C10orf88: variants seen among roughly 807,000 people sequenced by gnomAD.
C10orf88 encodes ATPase PAAT.
A neutral mutation model predicts 34.2 loss-of-function variants in C10orf88; 29 were observed. The observed-to-expected ratio is 0.85, with a 90% CI of 0.63 to 1.16. The LOEUF (loss-of-function observed/expected upper bound fraction) is 1.16, where lower values mean the gene tolerates loss of function less well. C10orf88 is among the 50% of genes most tolerant of loss of function. C10orf88 has a pLI of 0.00. For missense variants in C10orf88, 507 were observed against 533.2 expected (o/e 0.95, Z 0.48); for synonymous variants, 194 against 197.4 (o/e 0.98, Z 0.15).
Position 122,931,155 on chromosome 10 carries a change from T to C in C10orf88, c.*1272A>G, listed in dbSNP as rs1356216424. On this transcript the variant is annotated 3_prime_UTR_variant, in exon 6 of 6. Coordinates refer to ENST00000481909, the MANE Select transcript of C10orf88 (RefSeq NM_024942.4). ...CTTCTTCTGGTCACTGTCATGGCGATTGTCAACTGTCATGGAGCTAGCAGG... is the reference window on the plus strand; with the variant it reads ...CTTCTTCTGGTCACTGTCATGGCGACTGTCAACTGTCATGGAGCTAGCAGG... 1.3e-5 allele frequency: 2 copies of C among 152,180 alleles called. No individual in the cohort carries two copies. Among genetic ancestry groups the C allele is most frequent in the East Asian group, 1.9e-4 (1 of 5,194 alleles). The allele number at this position is 152,180 out of a possible 1,614,324, so 9.4% of individuals were successfully genotyped here.
Position 122,953,028 on chromosome 10 carries a change from C to T in C10orf88, c.169G>A (p.Asp57Asn). Residue 57 changes from aspartate (D) to asparagine (N), a missense_variant, in exon 2 of 6, where the codon GAT becomes AAT. Asp to Asn is a conservative substitution (Grantham distance 23, BLOSUM62 1). Transcript: ENST00000481909. ...TGGTTTCTCTTCAAAATCACCAGAT[C>T]CTGACTGAGAAGAAAATTGGTGAAA... ...ELLAPPAPGQ[D>N]LVILKRNHNN... is the part of the protein sequence containing the mutation. The T allele has an allele frequency of 6.2e-7, 1 of 1,610,164 alleles. No homozygotes were observed. The highest frequency in any genetic ancestry group is 8.5e-7 in the Non-Finnish European group (1 of 1,176,530).
intron 4 of C10orf88, among the ~76,000 whole-genome samples, chr10:122,942,922 T>G (rs1406298256): frequency 2.7e-5 from 4 of 146,070 alleles, no homozygotes; most frequent in Non-Finnish European, 6.1e-5. Flanking sequence ...GTAGGAAGAA[T>G]CAATATCGTG....
chr10:122,939,414 T>C (rs1211430082), intron 4 of C10orf88, among the ~76,000 whole-genome samples: 1 of 151,838 alleles, frequency 6.6e-6, no homozygotes, highest in Non-Finnish European at 1.5e-5. Flanking sequence ...TGGTGATAAA[T>C]ACTTTAGGGA....
intron 4 of C10orf88, among the ~76,000 whole-genome samples, chr10:122,942,695 T>C (rs1848597085): frequency 6.6e-6 from 1 of 150,778 alleles, no homozygotes; most frequent in Non-Finnish European, 1.5e-5. Context: ...ACAAAATCAA[T>C]GTACAAAAAT....
chr10:122,944,633 G>T (rs6599638), intron 4 of C10orf88, among the ~76,000 whole-genome samples: 1 of 151,828 alleles, frequency 6.6e-6, no homozygotes, highest in South Asian at 2.1e-4. Flanking sequence ...GGATTGAGTA[G>T]ATAGTGAGGG....
At position 122,944,565 on chromosome 10, in the gene C10orf88, C is replaced by T. The variant is rs901968683; in HGVS notation, c.648+4084G>A. Among the ~76,000 whole-genome samples the T allele has an allele frequency of 3.0e-4, 46 of 152,014 alleles. 1 individual carries two copies. The highest frequency in any genetic ancestry group is 5.2e-4 in the Admixed American group (8 of 15,242). On this transcript the variant is annotated intron_variant, in intron 4 of 5. Transcript: ENST00000481909. ...AGAGTTATTATCAAATCACAATGTA[C>T]ATAAAACTCACTTAGACATGACTGT...
chr10:122,931,980 T>C lies in C10orf88; in HGVS notation c.*447A>G, dbSNP rs1848487708. ...CAAAATGTAAACTGGTAATCTGAAGTAAAGGCTCCAAGTCTTAAGTATCCA... is the reference window on the plus strand; with the variant it reads ...CAAAATGTAAACTGGTAATCTGAAGCAAAGGCTCCAAGTCTTAAGTATCCA... On this transcript the variant is annotated 3_prime_UTR_variant, in exon 6 of 6. Coordinates refer to ENST00000481909, the MANE Select transcript of C10orf88 (RefSeq NM_024942.4). 6.5e-6 allele frequency: 1 copy of C among 152,970 alleles called. No homozygotes were observed. Among genetic ancestry groups the C allele is most frequent in the Non-Finnish European group, 1.5e-5 (1 of 68,306 alleles). The allele number at this position is 152,970 out of a possible 1,614,324, so 9.5% of individuals were successfully genotyped here.
rs769667140 is a variant in C10orf88, at chr10:122,931,506, A to T, written c.*921T>A. 6 of 152,230 alleles carry T rather than the reference A, an allele frequency of 3.9e-5. No individual in the cohort carries two copies. The highest frequency in any genetic ancestry group is 5.9e-5 in the Non-Finnish European group (4 of 68,036). 9.4% of individuals were successfully genotyped at this position (152,230 alleles called of 1,614,324 possible). A position where few individuals can be genotyped will look rare whatever the true frequency, so the allele number is the denominator to read the frequency against. ...ACAGTTCTACTAACTAAAGACAAGT[A>T]GTTCCCAGAGCAGGTGCATTTATTT... On this transcript the variant is annotated 3_prime_UTR_variant, in exon 6 of 6. Transcript: ENST00000481909.
intron 2 of C10orf88, among the ~76,000 whole-genome samples, 157 bp downstream of exon 2, chr10:122,952,672 T>C (rs370612603): frequency 2.0e-5 from 3 of 152,368 alleles, no homozygotes; most frequent in African/African-American, 7.2e-5. Flanking sequence ...TCTTTTAAGA[T>C]CTCTAAAGTT....
Position 122,952,122 on chromosome 10 carries a change from T to C in C10orf88, c.369-96A>G. 1.2e-5 allele frequency: 8 copies of C among 676,738 alleles called. No individual in the cohort carries two copies. The South Asian group carries it at 1.6e-4, about 13-fold the overall frequency. 41.9% of individuals were successfully genotyped at this position (676,738 alleles called of 1,614,324 possible). Reference sequence around the variant, plus strand: ...AAATGTTTCCAGAACAATATTGAAATCCTAAGATTCAGTTTTCCTGGTGAG... The same window carrying C: ...AAATGTTTCCAGAACAATATTGAAACCCTAAGATTCAGTTTTCCTGGTGAG... On this transcript the variant is annotated intron_variant, in intron 2 of 5. Transcript: ENST00000481909.
chr10:122,944,883 G>C (rs1267555365), intron 4 of C10orf88, among the ~76,000 whole-genome samples: 7 of 150,162 alleles, frequency 4.7e-5, no homozygotes, highest in Non-Finnish European at 8.9e-5. Flanking sequence ...CAAATACCCA[G>C]TTACTACCTA....
At position 122,947,328 on chromosome 10, in the gene C10orf88, C is replaced by T. The variant is rs1848649287; in HGVS notation, c.648+1321G>A. On this transcript the variant is annotated intron_variant, in intron 4 of 5. Coordinates refer to ENST00000481909, the MANE Select transcript of C10orf88 (RefSeq NM_024942.4). ...ACATCTACAAGGAGTTCTTTACTTGCATTACTTATTTTAAATTTTCACATC... is the reference window on the plus strand; with the variant it reads ...ACATCTACAAGGAGTTCTTTACTTGTATTACTTATTTTAAATTTTCACATC... Among the ~76,000 whole-genome samples the T allele has an allele frequency of 4.6e-5, 7 of 152,242 alleles. No homozygotes were observed. The South Asian group carries it at 1.5e-3, about 32-fold the overall frequency.
chr10:122,952,061 C>A, intron 2 of C10orf88, 35 bp from the exon 3 acceptor site: 1 of 1,018,676 alleles, frequency 9.8e-7, no homozygotes. Context: ...TTTTTACTTA[C>A]ATATATTGTC....
At chr10:122,943,920 G>T (rs1431511845) in intron 4 of C10orf88, among the ~76,000 whole-genome samples, 4 of 152,078 alleles carry the variant, frequency 2.6e-5, no homozygotes, top group African/African-American at 9.7e-5. Flanking sequence ...CTTTTACACT[G>T]TTGGTGGGAC....
rs1564720161 is a variant in C10orf88 at position 122,937,749 on chromosome 10, A to G, written c.1059T>C (p.Cys353=). The G allele has an allele frequency of 6.2e-7, 1 of 1,612,120 alleles. No individual in the cohort carries two copies. Among genetic ancestry groups the G allele is most frequent in the Admixed American group, 1.7e-5 (1 of 59,758 alleles). ...CACCATGCTTGGTGATGTTTTCCTG[A>G]CACTCGGTCTTATTTCCCACATGGA... ...NHLHVGNKTE[C]QENITKHGER... is the part of the protein sequence containing the mutation. The change falls in exon 5 of 6, where the codon TGT becomes TGC. Residue 353 remains cysteine (C), a synonymous_variant. Transcript: ENST00000481909.
chr10:122,953,491 G>C lies in C10orf88; in HGVS notation c.165-459C>G, dbSNP rs901741261. On this transcript the variant is annotated intron_variant, in intron 1 of 5. Coordinates refer to ENST00000481909, the MANE Select transcript of C10orf88 (RefSeq NM_024942.4). ...ACGGAAATGAAGGTGTCACACATCAGGGCTTTCCCAAACTCTATTTTTTCC... is the reference window on the plus strand; with the variant it reads ...ACGGAAATGAAGGTGTCACACATCACGGCTTTCCCAAACTCTATTTTTTCC... Among the ~76,000 whole-genome samples the C allele has an allele frequency of 2.6e-5, 4 of 152,188 alleles. No homozygotes were observed. In the East Asian group the frequency reaches 7.7e-4, roughly 29 times the overall value.
intron 4 of C10orf88, among the ~76,000 whole-genome samples, chr10:122,941,534 A>ATTTGGTC (rs1209866927): frequency 2.0e-5 from 3 of 152,094 alleles, no homozygotes; most frequent in Non-Finnish European, 4.4e-5. Flanking sequence ...ACTTACACGG[A>ATTTGGTC]AGGAGTTGAT....
intron 2 of C10orf88, 105 bp downstream of exon 2, chr10:122,952,724 C>A: frequency 7.3e-7 from 1 of 1,375,660 alleles, no homozygotes; most frequent in South Asian, 1.3e-5. Context: ...TCTTCTCTCC[C>A]ATAACATATG....
rs147022969 is a variant in C10orf88 at position 122,932,447 on chromosome 10, G to C, written c.1318C>G (p.Leu440Val). ...PLRHYDSGER[L>V]SNGER Reference sequence around the variant, plus strand: ...AGAGCTTATCTTTCTCCATTTGAAAGTCTTTCTCCAGAGTCATAATGTCTT... The same window carrying C: ...AGAGCTTATCTTTCTCCATTTGAAACTCTTTCTCCAGAGTCATAATGTCTT... The change falls in exon 6 of 6, where the codon CTT becomes GTT. Residue 440 changes from leucine to valine, a missense_variant. Transcript: ENST00000481909. 9.9e-5 allele frequency: 159 copies of C among 1,612,276 alleles called. No individual in the cohort carries two copies. In the East Asian group the frequency reaches 3.4e-3, roughly 35 times the overall value.
Sources: allele counts gnomAD v4.1 joint callset (sites outside exome capture counted in the v4.1 genomes callset), GRCh38; gene constraint gnomAD v4.1.1; transcripts MANE v1.5; gene names NCBI Gene and HGNC (gene_info 2026-07-23, HGNC 2026-07-21).